TMEM101: variants seen among roughly 807,000 people sequenced by gnomAD.
The protein encoded by TMEM101 is transmembrane protein 101, also known as putative NF-kappa-B-activating protein 130.
A neutral mutation model predicts 26.0 loss-of-function variants in TMEM101; 14 were observed. That is an observed-to-expected ratio of 0.54 (90% confidence interval 0.36 to 0.84). The LOEUF is 0.84. TMEM101 is among the 40% of genes least tolerant of loss of function. The pLI is 0.01. For missense variants in TMEM101, 292 were observed against 345.1 expected, an observed-to-expected ratio of 0.85 and a Z score of 1.22; for synonymous variants, 152 against 145.1, an observed-to-expected ratio of 1.05 and a Z score of -0.34.
upstream of TMEM101, among the ~76,000 whole-genome samples, chr17:44,016,853 G>C (rs1196500899): frequency 2.0e-5 from 3 of 152,176 alleles, no homozygotes; most frequent in African/African-American, 7.2e-5. Context: ...AAAGGTGTTG[G>C]GCTGGGCGCG....
At chr17:44,016,797 A>C (rs1351686077), upstream of TMEM101, among the ~76,000 whole-genome samples, 4 of 152,204 alleles carry the variant, frequency 2.6e-5, no homozygotes, top group East Asian at 7.7e-4. Context: ...CTCAGGACCT[A>C]GTATACAGGA....
chr17:44,012,514 C>CA, intron 3 of TMEM101: 1 of 512,854 alleles, frequency 1.9e-6, no homozygotes, highest in Non-Finnish European at 3.5e-6. Flanking sequence ...GGAGCCCACA[C>CA]AGAGAGCTGT....
chr17:44,014,292 C>G (rs1015430445), intron 2 of TMEM101, 65 bp downstream of exon 2: 5 of 1,509,250 alleles, frequency 3.3e-6, no homozygotes, highest in Admixed American at 2.0e-5. Flanking sequence ...ACCAACAGCC[C>G]TGGGCATTGG....
intron 2 of TMEM101, among the ~76,000 whole-genome samples, chr17:44,013,872 G>A (rs1597870472): frequency 6.6e-6 from 1 of 152,172 alleles, no homozygotes; most frequent in South Asian, 2.1e-4. Context: ...GGGTCTGACA[G>A]TCTCTTCCTC....
At chr17:44,015,766 G>A (rs967921293), upstream of TMEM101, among the ~76,000 whole-genome samples, 1 of 152,098 alleles carries the variant, frequency 6.6e-6, no homozygotes, top group Admixed American at 6.6e-5. Flanking sequence ...TACACATAAC[G>A]CACCAGAGGA....
intron 3 of TMEM101, 90 bp from the exon 4 acceptor site, chr17:44,012,326 C>G: frequency 5.5e-6 from 7 of 1,266,362 alleles, no homozygotes; most frequent in Non-Finnish European, 7.6e-6. Flanking sequence ...GCAAATGAGT[C>G]CCTGCAGATG....
At chr17:44,012,322 G>A (rs1160972354) in intron 3 of TMEM101, 86 bp from the exon 4 acceptor site, 6 of 1,315,344 alleles carry the variant, frequency 4.6e-6, no homozygotes, top group African/African-American at 1.5e-5. Context: ...ACCTGCAAAT[G>A]AGTCCCTGCA....
At chr17:44,020,766 T>C (rs914288520) in intron 2 of TMEM101, among the ~76,000 whole-genome samples, 4 of 152,200 alleles carry the variant, frequency 2.6e-5, no homozygotes, top group South Asian at 2.1e-4. Context: ...CCCATTGGTA[T>C]TGGCATATCC....
upstream of TMEM101, among the ~76,000 whole-genome samples, chr17:44,016,321 T>G (rs2049230775): frequency 6.6e-6 from 1 of 151,816 alleles, no homozygotes; most frequent in African/African-American, 2.4e-5. Flanking sequence ...TACTGGCGCT[T>G]GCCACCACAC....
Position 44,014,955 on chromosome 17 carries a change from T to C in TMEM101, c.-3A>G, listed in dbSNP as rs746941410. 1 of 1,610,170 alleles carries C rather than the reference T, an allele frequency of 6.2e-7. No homozygotes were observed. The highest frequency in any genetic ancestry group is 8.5e-7 in the Non-Finnish European group (1 of 1,177,718). ...CTCGAACCTATCTTCGACGCCATCT[T>C]GGGAAAGGGCAGTCCGCTGCGGCCT... On this transcript the variant is annotated 5_prime_UTR_variant, in exon 1 of 4. Transcript: ENST00000206380.
At chr17:44,016,979 A>G (rs2049238727), upstream of TMEM101, among the ~76,000 whole-genome samples, 1 of 151,968 alleles carries the variant, frequency 6.6e-6, no homozygotes, top group African/African-American at 2.4e-5. Flanking sequence ...CTAAAAATAC[A>G]AAAATTAGCC....
chr17:44,016,583 G>C (rs370102142), upstream of TMEM101, among the ~76,000 whole-genome samples: 1 of 152,168 alleles, frequency 6.6e-6, no homozygotes, highest in Non-Finnish European at 1.5e-5. Context: ...TCCTTGACTT[G>C]TGATGGAGTT....
At chr17:44,017,044 G>A (rs2049239429), upstream of TMEM101, among the ~76,000 whole-genome samples, 2 of 151,946 alleles carry the variant, frequency 1.3e-5, no homozygotes, top group African/African-American at 4.8e-5. Context: ...CCAGCTACTT[G>A]GGAGGCTGAG....
chr17:44,018,924 T>C (rs1597873633), upstream of TMEM101, among the ~76,000 whole-genome samples: 3 of 152,098 alleles, frequency 2.0e-5, no homozygotes, highest in South Asian at 6.2e-4. Flanking sequence ...CAAATCCTCA[T>C]TTCTAGGGTT....
intron 2 of TMEM101, 62 bp from the exon 3 acceptor site, chr17:44,013,217 C>A: frequency 6.9e-7 from 1 of 1,450,552 alleles, no homozygotes. Flanking sequence ...CCTGGCTTCC[C>A]AGAGTGTAGA....
At chr17:44,022,330 C>G (rs1432441964) in intron 1 of TMEM101, among the ~76,000 whole-genome samples, 1 of 152,208 alleles carries the variant, frequency 6.6e-6, no homozygotes, top group African/African-American at 2.4e-5. Context: ...CTGCTCCAAA[C>G]CCTGGCTGAC....
At position 44,014,915 on chromosome 17, in the gene TMEM101, T is replaced by A; in HGVS notation, c.38A>T (p.Gln13Leu). The change falls in exon 1 of 4, where the codon CAG becomes CTG. Residue 13 changes from glutamine to leucine, a missense_variant. Coordinates refer to ENST00000206380, the MANE Select transcript of TMEM101 (RefSeq NM_032376.4). The stretch of plus-strand genomic sequence containing the variant: ...CACCGAACCCAACTGCATGATCAGC[T>A]GCAACATCCACCGTCTCGAACCTAT... ...SKIGSRRWML[Q>L]LIMQLGSVLL... The A allele has an allele frequency of 1.2e-6, 2 of 1,613,924 alleles. No individual in the cohort carries two copies. Among genetic ancestry groups the A allele is most frequent in the Non-Finnish European group, 1.7e-6 (2 of 1,179,914 alleles).
intron 1 of TMEM101, among the ~76,000 whole-genome samples, chr17:44,022,030 A>G (rs899822628): frequency 6.6e-6 from 1 of 152,200 alleles, no homozygotes; most frequent in African/African-American, 2.4e-5. Context: ...TTCAAAAGCC[A>G]TGGTCTCTTT....
upstream of TMEM101, chr17:44,019,161 T>TA (rs1409904031): frequency 8.3e-6 from 2 of 240,022 alleles, no homozygotes; most frequent in African/African-American, 4.7e-5. Context: ...AATGCAGATA[T>TA]AATAAGCAAA....
Sources: gnomAD v4.1 joint callset for allele counts (sites outside exome capture counted in the v4.1 genomes callset) on GRCh38, gnomAD v4.1.1 for gene constraint, MANE v1.5 for transcripts, NCBI Gene and HGNC (gene_info 2026-07-23, HGNC 2026-07-21) for gene names.